GPHN: variants seen among roughly 807,000 people sequenced by gnomAD.
GPHN encodes the protein gephyrin.
A neutral mutation model predicts 95.5 loss-of-function variants in GPHN; 17 were observed. The observed-to-expected ratio is 0.18, with a 90% CI of 0.12 to 0.27. The LOEUF (loss-of-function observed/expected upper bound fraction) is 0.27. Among genes scored for constraint, GPHN ranks in the 10% least tolerant of loss-of-function variants. The pLI, the probability that GPHN is intolerant of heterozygous loss-of-function variation, is 1.00. For missense variants in GPHN, 660 were observed against 978.1 expected (o/e 0.67, Z 4.34); for synonymous variants, 320 against 322.5 (o/e 0.99, Z 0.08).
chr14:67,553,558 GGAGA>G, the GPHN span, among the ~76,000 whole-genome samples: 2 of 152,166 alleles, frequency 1.3e-5, no homozygotes, highest in Admixed American at 6.5e-5. Flanking sequence ...CCAGATTCCT[GGAGA>G]GAGAGAATCT....
chr14:66,940,349 AGCAG>A (rs1309583554), intron 8 of GPHN, among the ~76,000 whole-genome samples: 4 of 152,022 alleles, frequency 2.6e-5, no homozygotes, highest in Non-Finnish European at 5.9e-5. Flanking sequence ...GAAAGAGGGG[AGCAG>A]GTGTCCCTGG....
intron 9 of GPHN, among the ~76,000 whole-genome samples, chr14:67,004,222 A>G (rs534211351): frequency 6.6e-6 from 1 of 151,910 alleles, no homozygotes; most frequent in African/African-American, 2.4e-5. Flanking sequence ...TTTAGAAAAC[A>G]TACTCTGAGC....
At chr14:67,371,374 C>T in the GPHN span, among the ~76,000 whole-genome samples, 1 of 151,604 alleles carries the variant, frequency 6.6e-6, no homozygotes, top group South Asian at 2.1e-4. Context: ...GAGCTGTGAT[C>T]ACACTGCTGT....
the GPHN span, chr14:67,352,823 GA>G: frequency 7.9e-6 from 6 of 758,920 alleles, no homozygotes; most frequent in Non-Finnish European, 1.0e-5. Flanking sequence ...ACTTTTGAAA[GA>G]AAAAAATTAA....
At chr14:67,124,755 G>A (rs2079201313) in intron 17 of GPHN, among the ~76,000 whole-genome samples, 1 of 151,770 alleles carries the variant, frequency 6.6e-6, no homozygotes, top group South Asian at 2.1e-4. Flanking sequence ...CTTTTAAATT[G>A]TTTTTACCCT....
At chr14:67,355,169 A>C in the GPHN span, among the ~76,000 whole-genome samples, 2 of 152,116 alleles carry the variant, frequency 1.3e-5, no homozygotes, top group African/African-American at 4.8e-5. Flanking sequence ...TGGTATTAAC[A>C]TGTTTTGATA....
chr14:67,273,457 C>A, the GPHN span, among the ~76,000 whole-genome samples: 1 of 152,074 alleles, frequency 6.6e-6, no homozygotes, highest in Non-Finnish European at 1.5e-5. Flanking sequence ...TGAACTCATC[C>A]TTTTTTATGG....
intron 22 of GPHN, 92 bp from the exon 23 acceptor site, chr14:67,180,712 T>A (rs2083285215): frequency 7.9e-7 from 1 of 1,261,570 alleles, no homozygotes; most frequent in Non-Finnish European, 1.1e-6. Flanking sequence ...AGACCCGCAT[T>A]TCTGTCTGTT....
At chr14:67,481,702 C>T in the GPHN span, among the ~76,000 whole-genome samples, 11 of 152,174 alleles carry the variant, frequency 7.2e-5, no homozygotes, top group Non-Finnish European at 1.6e-4. Context: ...GCTCGCCCAC[C>T]CCATACAGGG....
intron 8 of GPHN, among the ~76,000 whole-genome samples, chr14:66,928,980 A>G (rs745485524): frequency 8.6e-5 from 13 of 151,872 alleles, no homozygotes; most frequent in Non-Finnish European, 1.3e-4. Flanking sequence ...TGTATTCTGC[A>G]GCCATTGGAT....
chr14:66,510,342 C>T lies in GPHN; in HGVS notation c.64+1751C>T, dbSNP rs924452076. 5.9e-5 allele frequency among the ~76,000 whole-genome samples: 9 copies of T among 152,164 alleles called. No individual in the cohort carries two copies. The South Asian group carries it at 1.9e-3, about 32-fold the overall frequency. On this transcript the variant is annotated intron_variant, in intron 1 of 22. Coordinates refer to ENST00000478722, the MANE Select transcript of GPHN (RefSeq NM_020806.5). ...GGCCATAGATGTTTAAAAGTTAAAC[C>T]GTAGAAACATTTTTAAAATGAACAT...
chr14:67,461,260 C>T, the GPHN span, among the ~76,000 whole-genome samples: 1 of 152,162 alleles, frequency 6.6e-6, no homozygotes, highest in Non-Finnish European at 1.5e-5. Flanking sequence ...GAGGTCTAGA[C>T]TATTATTGGC....
chr14:66,851,697 G>A (rs1186172468), intron 4 of GPHN, among the ~76,000 whole-genome samples: 4 of 152,072 alleles, frequency 2.6e-5, no homozygotes, highest in East Asian at 3.9e-4. Context: ...GATGATGGAG[G>A]ATACCTTTGT....
intron 1 of GPHN, among the ~76,000 whole-genome samples, chr14:66,513,578 C>G (rs1368200274): frequency 6.6e-6 from 1 of 151,558 alleles, no homozygotes; most frequent in East Asian, 1.9e-4. Flanking sequence ...AAAAAAAGAT[C>G]CTGAAAAAGA....
intron 9 of GPHN, among the ~76,000 whole-genome samples, chr14:66,973,365 A>G (rs2069951319): frequency 6.6e-6 from 1 of 152,236 alleles, no homozygotes. Flanking sequence ...ATTCCCAGCT[A>G]ACTCCATTCA....
At chr14:66,574,700 G>A (rs906951189) in intron 1 of GPHN, among the ~76,000 whole-genome samples, 4 of 152,190 alleles carry the variant, frequency 2.6e-5, no homozygotes, top group African/African-American at 9.7e-5. Flanking sequence ...GTGTCTGAGT[G>A]GACTAAGTGG....
At chr14:66,647,970 A>G (rs942662554) in intron 1 of GPHN, among the ~76,000 whole-genome samples, 6 of 152,202 alleles carry the variant, frequency 3.9e-5, no homozygotes, top group Non-Finnish European at 7.4e-5. Context: ...CAGTGGAGCT[A>G]TTCATAATGT....
At chr14:67,412,221 C>G in the GPHN span, 26 of 514,734 alleles carry the variant, frequency 5.1e-5, no homozygotes, top group South Asian at 8.9e-4. Context: ...CCTGAGGCCC[C>G]GGGGCAGGAA....
intron 1 of GPHN, among the ~76,000 whole-genome samples, chr14:66,613,807 A>C (rs1029888848): frequency 6.6e-6 from 1 of 152,170 alleles, no homozygotes; most frequent in Non-Finnish European, 1.5e-5. Context: ...TAGCATCCAT[A>C]CTTTATAAGA....
Sources: gnomAD v4.1 joint callset for allele counts (sites outside exome capture counted in the v4.1 genomes callset) on GRCh38, gnomAD v4.1.1 for gene constraint, MANE v1.5 for transcripts, NCBI Gene and HGNC (gene_info 2026-07-23, HGNC 2026-07-21) for gene names.